Variants in PDZRN4 observed in about 807,000 individuals in gnomAD.
PDZRN4 encodes the protein PDZ domain-containing RING finger protein 4.
In PDZRN4, 70 loss-of-function variants were observed where a neutral mutation model predicts 99.0. The ratio of observed to expected loss-of-function variants is 0.71; its 90% CI spans 0.58 to 0.86. The LOEUF is 0.86. PDZRN4 is among the 40% of genes least tolerant of loss of function. PDZRN4 has a pLI of 0.00. For synonymous variants in PDZRN4, 551 were observed against 501.6 expected, an observed-to-expected ratio of 1.10 and a Z score of -1.32; for missense variants, 1,474 against 1,331.2, an observed-to-expected ratio of 1.11 and a Z score of -1.67.
rs569986268 is a variant in PDZRN4 at position 41,433,325 on chromosome 12, G to A, written c.844-73131G>A. Among the ~76,000 whole-genome samples, 6 of 152,280 alleles carry A rather than the reference G, an allele frequency of 3.9e-5. No homozygotes were observed. The East Asian group carries it at 1.2e-3, about 29-fold the overall frequency. On this transcript the variant is annotated intron_variant, in intron 3 of 9. Coordinates refer to ENST00000402685, the MANE Select transcript of PDZRN4 (RefSeq NM_001164595.2). ...ATGTTAGAGATTGAATTCCACCACAGAATTTGTCGTTGGAAAACTGAGTTC... is the reference window on the plus strand; with the variant it reads ...ATGTTAGAGATTGAATTCCACCACAAAATTTGTCGTTGGAAAACTGAGTTC...
chr12:41,544,231 T>G (rs1377941304), intron 5 of PDZRN4, among the ~76,000 whole-genome samples: 1 of 152,210 alleles, frequency 6.6e-6, no homozygotes, highest in African/African-American at 2.4e-5. Flanking sequence ...AATGAGTAAC[T>G]TCATAGATAA....
chr12:41,539,884 T>C (rs1356574416), intron 5 of PDZRN4, among the ~76,000 whole-genome samples: 1 of 152,170 alleles, frequency 6.6e-6, no homozygotes, highest in Non-Finnish European at 1.5e-5. Context: ...ACCCTCCTTT[T>C]CTCATTCATC....
chr12:41,365,940 A>C (rs1951996823), intron 3 of PDZRN4, among the ~76,000 whole-genome samples: 1 of 152,116 alleles, frequency 6.6e-6, no homozygotes. Context: ...ATAGCCAATT[A>C]CTGAAATACC....
intron 3 of PDZRN4, among the ~76,000 whole-genome samples, chr12:41,364,094 A>C (rs1165335284): frequency 6.6e-6 from 1 of 152,058 alleles, no homozygotes; most frequent in East Asian, 1.9e-4. Context: ...TGGAGATTTG[A>C]TTGCCCTCTG....
chr12:41,494,856 A>T lies in PDZRN4; in HGVS notation c.844-11600A>T, dbSNP rs1379766. 6.1e-3 allele frequency among the ~76,000 whole-genome samples: 926 copies of T among 152,218 alleles called. 41 individuals carry two copies. The East Asian group carries it at 0.12, about 20-fold the overall frequency. On this transcript the variant is annotated intron_variant, in intron 3 of 9. Coordinates refer to ENST00000402685, the MANE Select transcript of PDZRN4 (RefSeq NM_001164595.2). ...TTGATTGTTGAAAGTGATTTAAGCC[A>T]CCTGCTTCTCCTAGGAAACTGGTTG...
At chr12:41,474,717 T>C (rs1272807218) in intron 3 of PDZRN4, among the ~76,000 whole-genome samples, 1 of 152,206 alleles carries the variant, frequency 6.6e-6, no homozygotes, top group Non-Finnish European at 1.5e-5. Flanking sequence ...GCTATCATTT[T>C]AATCTGAGAT....
chr12:41,191,694 G>A, intron 2 of PDZRN4, 150 bp downstream of exon 2: 1 of 485,298 alleles, frequency 2.1e-6, no homozygotes, highest in Non-Finnish European at 3.6e-6. Flanking sequence ...AATTATACTT[G>A]TGATCAAATA....
At chr12:41,214,429 C>CAAAAAAAAA (rs1950907530) in intron 3 of PDZRN4, among the ~76,000 whole-genome samples, 1 of 16,196 alleles carries the variant, frequency 6.2e-5, no homozygotes, top group East Asian at 2.1e-3. Flanking sequence ...ACCCTGTCCC[C>CAAAAAAAAA]TAAAAAAAAA....
At chr12:41,224,955 T>C (rs1002898525) in intron 3 of PDZRN4, among the ~76,000 whole-genome samples, 1 of 152,066 alleles carries the variant, frequency 6.6e-6, no homozygotes, top group Admixed American at 6.6e-5. Flanking sequence ...AGAGATCATG[T>C]TTTCTTAAGC....
At chr12:41,496,598 C>T (rs1343904410) in intron 3 of PDZRN4, among the ~76,000 whole-genome samples, 5 of 152,038 alleles carry the variant, frequency 3.3e-5, no homozygotes, top group African/African-American at 1.2e-4. Context: ...CAGCCCTGAC[C>T]TTTGCTTGCC....
intron 3 of PDZRN4, among the ~76,000 whole-genome samples, chr12:41,249,040 G>A (rs1211179278): frequency 6.6e-6 from 1 of 152,080 alleles, no homozygotes; most frequent in Admixed American, 6.6e-5. Flanking sequence ...AAATTACTCT[G>A]AAGTAAAAGC....
intron 3 of PDZRN4, among the ~76,000 whole-genome samples, chr12:41,445,696 AT>A (rs1372287089): frequency 6.6e-6 from 1 of 151,986 alleles, no homozygotes; most frequent in East Asian, 1.9e-4. Flanking sequence ...AAGTGAGCAC[AT>A]TGCCCAAAAC....
intron 3 of PDZRN4, among the ~76,000 whole-genome samples, chr12:41,283,849 G>T (rs778115402): frequency 4.6e-5 from 7 of 152,120 alleles, no homozygotes; most frequent in Non-Finnish European, 8.8e-5. Flanking sequence ...AAGTACTGAT[G>T]GAACATATCT....
intron 3 of PDZRN4, among the ~76,000 whole-genome samples, chr12:41,325,409 G>T (rs1217326455): frequency 6.6e-6 from 1 of 152,094 alleles, no homozygotes; most frequent in Non-Finnish European, 1.5e-5. Flanking sequence ...CGTGCTTATT[G>T]TCCTCTTTAA....
chr12:41,261,516 G>T (rs571982269), intron 3 of PDZRN4, among the ~76,000 whole-genome samples: 99 of 152,294 alleles, frequency 6.5e-4, no homozygotes, highest in Non-Finnish European at 1.1e-3. Context: ...TTGAGATGGA[G>T]TCTCGCTCTA....
intron 3 of PDZRN4, among the ~76,000 whole-genome samples, chr12:41,472,709 T>G (rs1268610063): frequency 6.6e-6 from 1 of 152,216 alleles, no homozygotes; most frequent in East Asian, 1.9e-4. Context: ...GTATGTTAAC[T>G]CATGTGGTTT....
intron 3 of PDZRN4, among the ~76,000 whole-genome samples, chr12:41,297,113 G>T (rs1338043882): frequency 6.6e-6 from 1 of 152,088 alleles, no homozygotes; most frequent in Non-Finnish European, 1.5e-5. Flanking sequence ...AATGTGTCCC[G>T]AACTTGATGG....
chr12:41,339,255 A>G (rs1421759354), intron 3 of PDZRN4, among the ~76,000 whole-genome samples: 1 of 152,094 alleles, frequency 6.6e-6, no homozygotes, highest in Non-Finnish European at 1.5e-5. Flanking sequence ...AGAATAGAGA[A>G]CACATAAATA....
chr12:41,523,278 C>G (rs544390363), intron 5 of PDZRN4, among the ~76,000 whole-genome samples: 2 of 152,102 alleles, frequency 1.3e-5, no homozygotes, highest in South Asian at 4.2e-4. Context: ...TGCCAGTTTT[C>G]CCAATTAGCT....
Sources: gnomAD v4.1 joint callset for allele counts (sites outside exome capture counted in the v4.1 genomes callset) on GRCh38, gnomAD v4.1.1 for gene constraint, MANE v1.5 for transcripts, NCBI Gene and HGNC (gene_info 2026-07-23, HGNC 2026-07-21) for gene names.